SH3RF3: variants seen among roughly 807,000 people sequenced by gnomAD.
The protein encoded by SH3RF3 is E3 ubiquitin-protein ligase SH3RF3.
In SH3RF3, 29 loss-of-function variants were observed where a neutral mutation model predicts 66.3. The observed-to-expected ratio is 0.44, with a 90% CI of 0.33 to 0.60. The LOEUF (loss-of-function observed/expected upper bound fraction) is 0.60, where lower values mean the gene tolerates loss of function less well. Among genes scored for constraint, SH3RF3 ranks in the 20% least tolerant of loss-of-function variants. SH3RF3 has a pLI of 0.04. For synonymous variants in SH3RF3, 583 were observed against 532.0 expected (o/e 1.10, Z -1.32); for missense variants, 1,194 against 1,190.9 (o/e 1.00, Z -0.04).
At chr2:109,298,495 G>A (rs933050843) in intron 1 of SH3RF3, among the ~76,000 whole-genome samples, 9 of 152,144 alleles carry the variant, frequency 5.9e-5, no homozygotes, top group African/African-American at 2.2e-4. Flanking sequence ...GGTGGGGGAT[G>A]ATTTAGGTCA....
At chr2:109,353,824 G>A (rs1574592835) in intron 2 of SH3RF3, among the ~76,000 whole-genome samples, 1 of 152,318 alleles carries the variant, frequency 6.6e-6, no homozygotes, top group South Asian at 2.1e-4. Flanking sequence ...GCTGCCGGCA[G>A]TGAGAGGGTG....
At chr2:109,333,552 C>T (rs902515155) in intron 1 of SH3RF3, among the ~76,000 whole-genome samples, 1 of 152,164 alleles carries the variant, frequency 6.6e-6, no homozygotes, top group Non-Finnish European at 1.5e-5. Context: ...ACAATCTCAC[C>T]CACTAATTTA....
intron 1 of SH3RF3, among the ~76,000 whole-genome samples, chr2:109,307,767 G>A (rs1440597795): frequency 1.3e-5 from 2 of 148,460 alleles, no homozygotes; most frequent in African/African-American, 5.1e-5. Flanking sequence ...CATTTTTTAT[G>A]GCTGCATAGT....
At chr2:109,347,115 T>C (rs1383500372) in intron 1 of SH3RF3, among the ~76,000 whole-genome samples, 2 of 152,186 alleles carry the variant, frequency 1.3e-5, no homozygotes, top group Non-Finnish European at 2.9e-5. Context: ...TGGAGCATGC[T>C]CGAGTTGCTG....
At chr2:109,423,556 G>A (rs1291330091) in intron 5 of SH3RF3, among the ~76,000 whole-genome samples, 3 of 152,284 alleles carry the variant, frequency 2.0e-5, no homozygotes, top group Middle Eastern at 3.4e-3. Context: ...CACTCAGCCT[G>A]CAATGAACTG....
intron 1 of SH3RF3, among the ~76,000 whole-genome samples, chr2:109,203,996 G>A (rs1017539715): frequency 6.6e-6 from 1 of 152,202 alleles, no homozygotes; most frequent in African/African-American, 2.4e-5. Context: ...GCTTGAAGGG[G>A]CTCTGAGTGT....
At chr2:109,495,537 AGT>A (rs36184060) in intron 9 of SH3RF3, among the ~76,000 whole-genome samples, 81,924 of 136,884 alleles carry the variant, frequency 0.6, 24,488 homozygotes, top group East Asian at 0.75. Flanking sequence ...TGTCTGCTGG[AGT>A]GTGCAGCGGT....
chr2:109,137,819 T>G (rs567062263), intron 1 of SH3RF3, among the ~76,000 whole-genome samples: 3 of 152,336 alleles, frequency 2.0e-5, no homozygotes, highest in Non-Finnish European at 4.4e-5. Flanking sequence ...CTGCCACTGT[T>G]GCTGTTTGAT....
At chr2:109,350,111 A>G (rs974513083) in intron 2 of SH3RF3, among the ~76,000 whole-genome samples, 1 of 152,172 alleles carries the variant, frequency 6.6e-6, no homozygotes, top group Non-Finnish European at 1.5e-5. Flanking sequence ...ATGGAATTCC[A>G]TGTTCCATAT....
chr2:109,379,341 A>G (rs1355110858), intron 3 of SH3RF3, among the ~76,000 whole-genome samples: 1 of 152,236 alleles, frequency 6.6e-6, no homozygotes, highest in Non-Finnish European at 1.5e-5. Flanking sequence ...GGAACTGGAA[A>G]ACGCCTTTAA....
At chr2:109,452,572 G>A (rs112655893) in intron 8 of SH3RF3, among the ~76,000 whole-genome samples, 5 of 152,322 alleles carry the variant, frequency 3.3e-5, no homozygotes, top group African/African-American at 1.2e-4. Context: ...GCTCCTGGGC[G>A]CCGTAGAGTA....
At chr2:109,234,811 C>T (rs111869454) in intron 1 of SH3RF3, among the ~76,000 whole-genome samples, 162 of 152,234 alleles carry the variant, frequency 1.1e-3, no homozygotes, top group African/African-American at 3.7e-3. Flanking sequence ...GGAAATTCAA[C>T]CATGATATGT....
At chr2:109,391,615 A>G (rs1675999868) in intron 3 of SH3RF3, among the ~76,000 whole-genome samples, 1 of 152,216 alleles carries the variant, frequency 6.6e-6, no homozygotes, top group Non-Finnish European at 1.5e-5. Flanking sequence ...AGGGAGCATC[A>G]GTCCAGAGTG....
Position 109,270,736 on chromosome 2 carries a change from C to T in SH3RF3, c.574-76938C>T, listed in dbSNP as rs137902250. Among the ~76,000 whole-genome samples the T allele has an allele frequency of 3.6e-3, 544 of 152,316 alleles. 5 individuals carry two copies. Among genetic ancestry groups the T allele is most frequent in the African/African-American group, 0.012 (501 of 41,564 alleles). ...TGGAGACCGTTCCTGGACTGTTACT[C>T]CTCTTATGTAGATTGACCTTTCTCT... On this transcript the variant is annotated intron_variant, in intron 1 of 9. Transcript: ENST00000309415.
intron 1 of SH3RF3, among the ~76,000 whole-genome samples, chr2:109,226,108 G>A (rs1679368922): frequency 6.6e-6 from 1 of 152,202 alleles, no homozygotes. Context: ...TAAATCACTT[G>A]TTAATTTTAG....
chr2:109,312,770 C>G (rs1681761073), intron 1 of SH3RF3, among the ~76,000 whole-genome samples: 1 of 152,232 alleles, frequency 6.6e-6, no homozygotes, highest in East Asian at 1.9e-4. Flanking sequence ...ATCCATTCAT[C>G]TGCTGACGGA....
intron 3 of SH3RF3, among the ~76,000 whole-genome samples, chr2:109,385,979 A>G (rs545640414): frequency 3.9e-5 from 6 of 152,300 alleles, no homozygotes; most frequent in African/African-American, 1.4e-4. Context: ...CCTTTGGGTT[A>G]AGTTGGGGTT....
intron 1 of SH3RF3, among the ~76,000 whole-genome samples, chr2:109,184,918 A>G (rs1678152963): frequency 6.6e-6 from 1 of 152,236 alleles, no homozygotes; most frequent in African/African-American, 2.4e-5. Context: ...CCAAGAATGT[A>G]AGAAAATATA....
At chr2:109,224,339 T>C (rs1262547501) in intron 1 of SH3RF3, among the ~76,000 whole-genome samples, 1 of 152,242 alleles carries the variant, frequency 6.6e-6, no homozygotes, top group African/African-American at 2.4e-5. Context: ...AATAAGCACA[T>C]TTTCAGATAC....
Sources: allele counts gnomAD v4.1 joint callset (sites outside exome capture counted in the v4.1 genomes callset), GRCh38; gene constraint gnomAD v4.1.1; transcripts MANE v1.5; gene names NCBI Gene and HGNC (gene_info 2026-07-23, HGNC 2026-07-21).